The following CLNK variants were observed in gnomAD, a reference collection of about 807,000 sequenced individuals.
The protein encoded by CLNK is cytokine-dependent hematopoietic cell linker.
CLNK carries 74 observed loss-of-function variants against 68.6 expected under a neutral mutation model. The ratio of observed to expected loss-of-function variants is 1.08; its 90% CI spans 0.89 to 1.31. The LOEUF (loss-of-function observed/expected upper bound fraction) is 1.31, where lower values mean the gene tolerates loss of function less well. Ranked by LOEUF, CLNK falls within the 50% of genes most tolerant of loss-of-function variation. The probability of loss-of-function intolerance (pLI) is 0.00; values close to 1 mark genes in which losing one functional copy is unlikely to be tolerated. For missense variants in CLNK, 553 were observed against 515.3 expected, an observed-to-expected ratio of 1.07 and a Z score of -0.71; for synonymous variants, 198 against 172.2, an observed-to-expected ratio of 1.15 and a Z score of -1.17.
rs1047541051 is a variant in CLNK at position 10,489,215 on chromosome 4, C to T, written c.*1252G>A. The T allele has an allele frequency of 2.6e-5, 4 of 152,112 alleles. No individual in the cohort carries two copies. Among genetic ancestry groups the T allele is most frequent in the Non-Finnish European group, 4.4e-5 (3 of 68,028 alleles). The allele number at this position is 152,112 out of a possible 1,614,324, so 9.4% of individuals were successfully genotyped here. A position where few individuals can be genotyped will look rare whatever the true frequency, so the allele number is the denominator to read the frequency against. On this transcript the variant is annotated 3_prime_UTR_variant, in exon 19 of 19. Coordinates refer to ENST00000226951, the MANE Select transcript of CLNK (RefSeq NM_052964.4). ...TATTGAGTAAGATCAATAGCTACTT[C>T]GAGCCTCTGTTTCCTCATCTTTATT...
chr4:10,551,696 C>G (rs775355384), intron 8 of CLNK, among the ~76,000 whole-genome samples: 1 of 152,168 alleles, frequency 6.6e-6, no homozygotes, highest in Non-Finnish European at 1.5e-5. Context: ...TATTATGGGG[C>G]TTACGGGCTT....
intron 5 of CLNK, among the ~76,000 whole-genome samples, chr4:10,568,383 G>T (rs972557899): frequency 6.6e-6 from 1 of 152,128 alleles, no homozygotes; most frequent in Non-Finnish European, 1.5e-5. Context: ...TCTGGGGGAA[G>T]GGGGGACTGG....
At chr4:10,609,378 G>T (rs555461053) in intron 2 of CLNK, among the ~76,000 whole-genome samples, 6 of 152,226 alleles carry the variant, frequency 3.9e-5, no homozygotes, top group African/African-American at 1.4e-4. Context: ...CAGTCCCTGG[G>T]GTCCACCTGG....
intron 8 of CLNK, among the ~76,000 whole-genome samples, chr4:10,543,543 G>A (rs1387496763): frequency 2.0e-5 from 3 of 152,128 alleles, no homozygotes; most frequent in Admixed American, 6.6e-5. Flanking sequence ...GGCGCAGGGG[G>A]ACTGGTTACT....
In CLNK at chr4:10,553,456, TA is replaced by T. The variant is rs1392175919; in HGVS notation, c.445+4950del. ...TTCCCATTTATTTATTTTTTTATTT[TA>T]TTTTTTTTTTCTGATACAGAGTCTT... On this transcript the variant is annotated intron_variant, in intron 8 of 18. Transcript: ENST00000226951. Among the ~76,000 whole-genome samples, 20 of 144,132 alleles carry T rather than the reference TA, an allele frequency of 1.4e-4. No homozygotes were observed. The East Asian group carries it at 3.6e-3, about 26-fold the overall frequency. 94.6% of individuals were successfully genotyped at this position (144,132 alleles called of 152,430 possible). A position where few individuals can be genotyped will look rare whatever the true frequency, so the allele number is the denominator to read the frequency against.
chr4:10,616,830 AT>A (rs5856066), intron 2 of CLNK, among the ~76,000 whole-genome samples: 102,066 of 145,070 alleles, frequency 0.7, 36,843 homozygotes, highest in Non-Finnish European at 0.77. Context: ...ATATACACGC[AT>A]TTTTTTTTCT....
At chr4:10,648,936 A>G (rs1387146141) in intron 2 of CLNK, among the ~76,000 whole-genome samples, 26 of 152,282 alleles carry the variant, frequency 1.7e-4, no homozygotes, top group South Asian at 6.2e-4. Flanking sequence ...GCATCTTAAT[A>G]TATAGATTAG....
intron 3 of CLNK, among the ~76,000 whole-genome samples, chr4:10,588,845 C>T (rs1356146853): frequency 6.6e-6 from 1 of 151,616 alleles, no homozygotes; most frequent in African/African-American, 2.4e-5. Context: ...ATGGTATATA[C>T]TATATTGTAT....
At chr4:10,652,395 A>AG (rs1723778428) in intron 2 of CLNK, among the ~76,000 whole-genome samples, 2 of 150,814 alleles carry the variant, frequency 1.3e-5, no homozygotes, top group African/African-American at 2.4e-5. Flanking sequence ...AAAAAAAAAA[A>AG]AAAAAAAAGG....
chr4:10,614,086 A>G (rs1287407819), intron 2 of CLNK, among the ~76,000 whole-genome samples: 2 of 152,190 alleles, frequency 1.3e-5, no homozygotes, highest in Non-Finnish European at 1.5e-5. Context: ...CTCCAGCTGT[A>G]ATATAGGAAT....
chr4:10,556,313 A>G (rs965507591), intron 8 of CLNK, among the ~76,000 whole-genome samples: 13 of 152,228 alleles, frequency 8.5e-5, no homozygotes, highest in Admixed American at 2.0e-4. Context: ...CAGTTTAATT[A>G]TAGAATTTAG....
chr4:10,549,928 C>A (rs1002711920), intron 8 of CLNK, among the ~76,000 whole-genome samples: 4 of 152,186 alleles, frequency 2.6e-5, no homozygotes, highest in Non-Finnish European at 5.9e-5. Context: ...AAAGTTACTG[C>A]TTTTGGGTAG....
chr4:10,677,116 T>G (rs1160339076), intron 1 of CLNK, among the ~76,000 whole-genome samples: 1 of 152,038 alleles, frequency 6.6e-6, no homozygotes, highest in Admixed American at 6.6e-5. Flanking sequence ...ATTGAGATGG[T>G]ACTGAAGGCA....
Position 10,532,008 on chromosome 4 carries a change from C to T in CLNK, c.630+248G>A, listed in dbSNP as rs547717399. Among the ~76,000 whole-genome samples, 10 of 152,350 alleles carry T rather than the reference C, an allele frequency of 6.6e-5. No individual in the cohort carries two copies. The South Asian group carries it at 8.3e-4, about 13-fold the overall frequency. On this transcript the variant is annotated intron_variant, in intron 12 of 18. Transcript: ENST00000226951. Reference sequence around the variant, plus strand: ...TATATCTTCCATGTGGAACTGGGCACGTTCTTCCTATAACAAATGAACCCT... The same window carrying T: ...TATATCTTCCATGTGGAACTGGGCATGTTCTTCCTATAACAAATGAACCCT...
chr4:10,495,213 G>T (rs1716756027), intron 18 of CLNK, among the ~76,000 whole-genome samples: 1 of 152,200 alleles, frequency 6.6e-6, no homozygotes, highest in South Asian at 2.1e-4. Context: ...CAAAAGGAGA[G>T]ATCTGGAAAT....
Position 10,490,361 on chromosome 4 carries a change from A to G in CLNK, c.*106T>C. 1.6e-6 allele frequency: 2 copies of G among 1,238,274 alleles called. No homozygotes were observed. Among genetic ancestry groups the G allele is most frequent in the Non-Finnish European group, 2.2e-6 (2 of 906,154 alleles). 76.7% of individuals were successfully genotyped at this position (1,238,274 alleles called of 1,614,324 possible). A position where few individuals can be genotyped will look rare whatever the true frequency, so the allele number is the denominator to read the frequency against. On this transcript the variant is annotated 3_prime_UTR_variant, in exon 19 of 19. Coordinates refer to ENST00000226951, the MANE Select transcript of CLNK (RefSeq NM_052964.4). Reference sequence around the variant, plus strand: ...TTATAGAGTGTTTTTCTTTTCTCCAAAGTTAAAAAAGTTGTCCCTTGAAGG... The same window carrying G: ...TTATAGAGTGTTTTTCTTTTCTCCAGAGTTAAAAAAGTTGTCCCTTGAAGG...
At chr4:10,650,933 C>T (rs1045548810) in intron 2 of CLNK, among the ~76,000 whole-genome samples, 1 of 151,922 alleles carries the variant, frequency 6.6e-6, no homozygotes, top group East Asian at 1.9e-4. Flanking sequence ...TTTATGCGGT[C>T]AACAAACATG....
At chr4:10,665,817 G>C (rs192000836) in intron 2 of CLNK, among the ~76,000 whole-genome samples, 4 of 152,256 alleles carry the variant, frequency 2.6e-5, no homozygotes, top group East Asian at 3.9e-4. Flanking sequence ...GAAGATAAAG[G>C]CTGCTGCCCT....
intron 2 of CLNK, among the ~76,000 whole-genome samples, chr4:10,632,652 C>T (rs1003121152): frequency 1.8e-4 from 28 of 152,144 alleles, no homozygotes; most frequent in African/African-American, 6.0e-4. Context: ...GTGCACATTG[C>T]CCCCCTTTTT....
Sources: allele counts gnomAD v4.1 joint callset (sites outside exome capture counted in the v4.1 genomes callset), GRCh38; gene constraint gnomAD v4.1.1; transcripts MANE v1.5; gene names NCBI Gene and HGNC (gene_info 2026-07-23, HGNC 2026-07-21).